Variants in PAOX observed in about 807,000 individuals in gnomAD.
PAOX encodes the protein peroxisomal N(1)-acetyl-spermine/spermidine oxidase.
PAOX carries 38 observed loss-of-function variants against 39.0 expected under a neutral mutation model. The observed-to-expected ratio is 0.97, with a 90% CI of 0.75 to 1.28. The LOEUF (loss-of-function observed/expected upper bound fraction) is 1.28, where lower values mean the gene tolerates loss of function less well. Ranked by LOEUF, PAOX falls within the 50% of genes most tolerant of loss-of-function variation. The pLI is 0.00. For missense variants in PAOX, 667 were observed against 685.7 expected (o/e 0.97, Z 0.30); for synonymous variants, 311 against 314.4 (o/e 0.99, Z 0.11).
chr10:133,389,077 T>C lies in PAOX; in HGVS notation c.1234+9T>C. 6.3e-7 allele frequency: 1 copy of C among 1,589,760 alleles called. No individual in the cohort carries two copies. The highest frequency in any genetic ancestry group is 8.6e-7 in the Non-Finnish European group (1 of 1,157,888). On this transcript the variant is annotated intron_variant, in intron 5 of 6. Coordinates refer to ENST00000278060, the MANE Select transcript of PAOX (RefSeq NM_152911.4). ...GCTCCGGAGAGTGACAGGTAGGTAC[T>C]CACCACACACGCTGGTTCCTGCCTC...
rs1239700796 is a variant in PAOX at position 133,384,079 on chromosome 10, C to A, written c.988C>A (p.Pro330Thr). The A allele has an allele frequency of 6.2e-7, 1 of 1,614,182 alleles. No individual in the cohort carries two copies. Among genetic ancestry groups the A allele is most frequent in the South Asian group, 1.1e-5 (1 of 91,084 alleles). The part of the protein sequence containing the change: ...NNKIFLEFEE[P>T]FWEPDCQLIQ... ...CAAAATCTTCCTGGAGTTTGAGGAG[C>A]CCTTCTGGGAGCCAGACTGCCAGCT... is the stretch of plus-strand genomic sequence containing the variant. Residue 330 changes from proline (P) to threonine (T), a missense_variant, in exon 4 of 7, where the codon CCC becomes ACC. By Grantham distance (38) the Pro-to-Thr change is conservative (BLOSUM62 -1). Coordinates refer to ENST00000278060, the MANE Select transcript of PAOX (RefSeq NM_152911.4). The surrounding 1 kb of genome is among the most constrained non-coding windows in gnomAD (Gnocchi z 4.3).
At chr10:133,389,396 G>GC (rs1849608018) in intron 5 of PAOX, among the ~76,000 whole-genome samples, 194 bp from the exon 6 acceptor site, 1 of 152,090 alleles carries the variant, frequency 6.6e-6, no homozygotes, top group East Asian at 1.9e-4. Flanking sequence ...TCGGGTCAGA[G>GC]GCCCCCGGGT....
intron 6 of PAOX, chr10:133,391,064 G>T (rs527499172): frequency 4.3e-6 from 3 of 697,562 alleles, no homozygotes; most frequent in African/African-American, 3.5e-5. Context: ...TGGTGGATGC[G>T]TGTGAGCCGT....
At position 133,384,169 on chromosome 10, in the gene PAOX, T is replaced by C. The variant is rs2133466049; in HGVS notation, c.1078T>C (p.Trp360Arg). 6.2e-7 allele frequency: 1 copy of C among 1,614,152 alleles called. No homozygotes were observed. The highest frequency in any genetic ancestry group is 1.7e-4 in the Middle Eastern group (1 of 6,018). Residue 360 changes from tryptophan (W) to arginine (R), a missense_variant, in exon 4 of 7, where the codon TGG becomes CGG. Transcript: ENST00000278060. This position sits in a 1 kb window ranked among gnomAD's most constrained non-coding sequence, Gnocchi z 4.3. Reference sequence around the variant, plus strand: ...TGCTGCCCCTGAGCTACAGGACGCCTGGTTCCGGAAGCTCATTGGCTTTGT... The same window carrying C: ...TGCTGCCCCTGAGCTACAGGACGCCCGGTTCCGGAAGCTCATTGGCTTTGT... The part of the protein sequence containing the change: ...EDAAPELQDA[W>R]FRKLIGFVVL...
intron 4 of PAOX, among the ~76,000 whole-genome samples, chr10:133,385,862 C>A (rs1001002699): frequency 1.3e-5 from 2 of 151,978 alleles, no homozygotes; most frequent in African/African-American, 2.4e-5. Context: ...GGATTACAGG[C>A]ATGAGCCACC....
In PAOX at chr10:133,389,057, G is replaced by C. The variant is rs773414510; in HGVS notation, c.1223G>C (p.Arg408Pro). Residue 408 changes from arginine to proline, a missense_variant, in exon 5 of 7, where the codon CGG becomes CCG. Arg to Pro is a moderately radical substitution (Grantham distance 103, BLOSUM62 -2). Transcript: ENST00000278060. ...CTTCTGTGTCTCACCCAAGTGCTCC[G>C]GAGAGTGACAGGTAGGTACTCACCA... is the stretch of plus-strand genomic sequence containing the variant. The part of the protein sequence containing the change: ...EVLLCLTQVL[R>P]RVTGNPRLPA... 3 of 1,612,858 alleles carry C rather than the reference G, an allele frequency of 1.9e-6. No homozygotes were observed. The highest frequency in any genetic ancestry group is 8.5e-7 in the Non-Finnish European group (1 of 1,178,974).
intron 4 of PAOX, among the ~76,000 whole-genome samples, chr10:133,387,608 C>A (rs1172850179): frequency 3.3e-5 from 5 of 152,268 alleles, no homozygotes; most frequent in Non-Finnish European, 7.3e-5. Flanking sequence ...CTGAGCCTGT[C>A]TGTGAAAGAC....
At chr10:133,391,050 C>T in intron 6 of PAOX, 1 of 697,866 alleles carries the variant, frequency 1.4e-6, no homozygotes, top group South Asian at 1.5e-5. Flanking sequence ...GTTTTCCCGC[C>T]CGTTGGTGGA....
At chr10:133,380,666 T>TGA (rs370385791) in intron 2 of PAOX, among the ~76,000 whole-genome samples, 181 bp downstream of exon 2, 122 of 152,304 alleles carry the variant, frequency 8.0e-4, no homozygotes, top group African/African-American at 2.8e-3. Flanking sequence ...AAGTTATTTC[T>TGA]GAGAGAGAGT....
rs1046178 is a variant in PAOX at position 133,391,505 on chromosome 10, C to A, written c.*50C>A. 2.4e-5 allele frequency: 37 copies of A among 1,545,044 alleles called. No individual in the cohort carries two copies. Among genetic ancestry groups the A allele is most frequent in the Middle Eastern group, 1.7e-4 (1 of 5,748 alleles). On this transcript the variant is annotated 3_prime_UTR_variant, in exon 7 of 7. Coordinates refer to ENST00000278060, the MANE Select transcript of PAOX (RefSeq NM_152911.4). The stretch of plus-strand genomic sequence containing the variant: ...CCCGTGTCGGGGGTAGGCTGGGACC[C>A]TCATTTCTTCTGACAGATTTCAGTC...
chr10:133,391,568 GT>G lies in PAOX; in HGVS notation c.*118del. On this transcript the variant is annotated 3_prime_UTR_variant, in exon 7 of 7. Transcript: ENST00000278060. ...TGGGGATGTTAATGAGGGTCCTCTGGTTTTTGGTAACCAGGGCCACCTTCTC... is the reference window on the plus strand; with the variant it reads ...TGGGGATGTTAATGAGGGTCCTCTGGTTTTGGTAACCAGGGCCACCTTCTC... The G allele has an allele frequency of 4.9e-6, 7 of 1,434,448 alleles. No individual in the cohort carries two copies. Among genetic ancestry groups the G allele is most frequent in the South Asian group, 2.9e-5 (2 of 69,206 alleles). The allele number at this position is 1,434,448 out of a possible 1,614,324, so 88.9% of individuals were successfully genotyped here. A position where few individuals can be genotyped will look rare whatever the true frequency, so the allele number is the denominator to read the frequency against.
intron 3 of PAOX, 67 bp downstream of exon 3, chr10:133,381,726 G>T (rs1371859568): frequency 1.3e-6 from 2 of 1,547,132 alleles, no homozygotes; most frequent in East Asian, 2.3e-5. Context: ...CCCTGCCTCA[G>T]TTGGCTCTGG....
chr10:133,388,886 G>A, intron 4 of PAOX, 70 bp from the exon 5 acceptor site: 1 of 690,798 alleles, frequency 1.4e-6, no homozygotes, highest in African/African-American at 1.8e-5. Flanking sequence ...CTCCATGCAG[G>A]TCTGGTCATC....
rs770874285 is a variant in PAOX at position 133,379,480 on chromosome 10, G to A, written c.164G>A (p.Arg55His). Reference sequence around the variant, plus strand: ...ACGGCCCGCGCCGGGGGCCGCATCCGCTCGGAGCGCTGCTTCGGTAACCGC... The same window carrying A: ...ACGGCCCGCGCCGGGGGCCGCATCCACTCGGAGCGCTGCTTCGGTAACCGC... ...EATARAGGRI[R>H]SERCFGGVVE... is the part of the protein sequence containing the mutation. Residue 55 changes from arginine to histidine, a missense_variant, in exon 1 of 7, where the codon CGC becomes CAC. Coordinates refer to ENST00000278060, the MANE Select transcript of PAOX (RefSeq NM_152911.4). 4.7e-5 allele frequency: 58 copies of A among 1,225,436 alleles called. No homozygotes were observed. Among genetic ancestry groups the A allele is most frequent in the Middle Eastern group, 6.3e-4 (2 of 3,188 alleles). The allele number at this position is 1,225,436 out of a possible 1,614,324, so 75.9% of individuals were successfully genotyped here.
At chr10:133,386,795 C>G (rs1204094031) in intron 4 of PAOX, among the ~76,000 whole-genome samples, 1 of 152,130 alleles carries the variant, frequency 6.6e-6, no homozygotes, top group East Asian at 1.9e-4. Flanking sequence ...ATTTAAATAG[C>G]TTTTGAAATG....
At chr10:133,383,642 C>CA (rs1213719861) in intron 3 of PAOX, among the ~76,000 whole-genome samples, 1 of 146,878 alleles carries the variant, frequency 6.8e-6, no homozygotes, top group Non-Finnish European at 1.5e-5. Context: ...AACAAAAAAA[C>CA]AAAAAACACT....
intron 2 of PAOX, 152 bp from the exon 3 acceptor site, chr10:133,381,308 C>T: frequency 1.4e-6 from 1 of 701,880 alleles, no homozygotes; most frequent in South Asian, 1.8e-5. Context: ...TGGAAAACCA[C>T]AGAGTGGAGC....
At position 133,388,982 on chromosome 10, in the gene PAOX, T is replaced by C. The variant is rs373328982; in HGVS notation, c.1148T>C (p.Ile383Thr). Residue 383 changes from isoleucine to threonine, a missense_variant, in exon 5 of 7, where the codon ATT becomes ACT. Transcript: ENST00000278060. Reference sequence around the variant, plus strand: ...TCTGTCCACGTTCTCTGTGGGTTCATTGCCGGACTTGAGTCTGAGTTCATG... The same window carrying C: ...TCTGTCCACGTTCTCTGTGGGTTCACTGCCGGACTTGAGTCTGAGTTCATG... ...FASVHVLCGF[I>T]AGLESEFMET... is the part of the protein sequence containing the mutation. 3.1e-6 allele frequency: 5 copies of C among 1,614,022 alleles called. No homozygotes were observed. Among genetic ancestry groups the C allele is most frequent in the Non-Finnish European group, 4.2e-6 (5 of 1,180,018 alleles).
At position 133,389,690 on chromosome 10, in the gene PAOX, T is replaced by TG; in HGVS notation, c.1340dup (p.Asp448ArgfsTer93). The TG allele has an allele frequency of 1.2e-6, 2 of 1,604,680 alleles. No individual in the cohort carries two copies. Among genetic ancestry groups the TG allele is most frequent in the Non-Finnish European group, 8.5e-7 (1 of 1,174,052 alleles). On this transcript the variant is annotated frameshift_variant, in exon 6 of 7. Coordinates refer to ENST00000278060, the MANE Select transcript of PAOX (RefSeq NM_152911.4). LOFTEE classifies it high-confidence loss of function. ...ACAGCTACGTGGCCGTGGGCAGTAC[T>TG]GGGGGCGACCTGGACCTGCTGGCTC...
Sources: gnomAD v4.1 joint callset for allele counts (sites outside exome capture counted in the v4.1 genomes callset) on GRCh38, gnomAD v4.1.1 for gene constraint, Gnocchi (gnomAD v3.1) non-coding constraint, MANE v1.5 for transcripts, NCBI Gene and HGNC (gene_info 2026-07-23, HGNC 2026-07-21) for gene names.